KIAA1549L: variants seen among roughly 807,000 people sequenced by gnomAD.
KIAA1549L encodes the protein KIAA1549 like, also known as UPF0606 protein KIAA1549L.
A neutral mutation model predicts 160.7 loss-of-function variants in KIAA1549L; 88 were observed. That is an observed-to-expected ratio of 0.55 (90% confidence interval 0.46 to 0.65). The LOEUF (loss-of-function observed/expected upper bound fraction) is 0.65. KIAA1549L is among the 30% of genes least tolerant of loss of function. KIAA1549L has a pLI of 0.00. For synonymous variants in KIAA1549L, 950 were observed against 976.7 expected (o/e 0.97, Z 0.51); for missense variants, 2,258 against 2,437.5 (o/e 0.93, Z 1.55).
chr11:33,567,852 G>A (rs1432119326), intron 8 of KIAA1549L, among the ~76,000 whole-genome samples: 5 of 152,328 alleles, frequency 3.3e-5, no homozygotes, highest in Middle Eastern at 3.4e-3. Context: ...TGCTAGCTGC[G>A]TGACCTCAGA....
intron 13 of KIAA1549L, among the ~76,000 whole-genome samples, chr11:33,606,050 G>A (rs954981966): frequency 2.0e-5 from 3 of 152,174 alleles, no homozygotes; most frequent in South Asian, 2.1e-4. Flanking sequence ...TTTCTCTGGC[G>A]GAATTTTCGT....
chr11:33,431,998 C>T (rs1000403324), intron 1 of KIAA1549L, among the ~76,000 whole-genome samples: 12 of 152,232 alleles, frequency 7.9e-5, no homozygotes, highest in African/African-American at 2.9e-4. Flanking sequence ...TGCTAAGTCC[C>T]TCATTGCCCG....
chr11:33,592,521 C>A (rs1850088084), intron 12 of KIAA1549L, among the ~76,000 whole-genome samples: 1 of 152,010 alleles, frequency 6.6e-6, no homozygotes, highest in Non-Finnish European at 1.5e-5. Context: ...ACTACATCAT[C>A]CATGTCTCCT....
intron 15 of KIAA1549L, among the ~76,000 whole-genome samples, chr11:33,611,286 GAC>G (rs1850642428): frequency 1.4e-5 from 2 of 146,756 alleles, no homozygotes; most frequent in African/African-American, 4.9e-5. Flanking sequence ...AGCCATGACA[GAC>G]ACATTCTCCA....
chr11:33,493,262 A>G (rs1405780695), intron 1 of KIAA1549L, among the ~76,000 whole-genome samples: 1 of 152,204 alleles, frequency 6.6e-6, no homozygotes, highest in African/African-American at 2.4e-5. Flanking sequence ...TACCAATTAT[A>G]AAAGGGCTTG....
At chr11:33,591,796 A>G (rs1041722232) in intron 12 of KIAA1549L, among the ~76,000 whole-genome samples, 17 of 152,246 alleles carry the variant, frequency 1.1e-4, no homozygotes, top group Non-Finnish European at 1.6e-4. Flanking sequence ...AGTCAAAACC[A>G]TATATTTAAT....
intron 1 of KIAA1549L, among the ~76,000 whole-genome samples, chr11:33,515,189 C>T (rs1853316956): frequency 6.6e-6 from 1 of 152,220 alleles, no homozygotes; most frequent in African/African-American, 2.4e-5. Flanking sequence ...CTCCCCCACC[C>T]ACCAAAATGT....
At chr11:33,448,539 G>A (rs1481331501) in intron 1 of KIAA1549L, among the ~76,000 whole-genome samples, 1 of 152,102 alleles carries the variant, frequency 6.6e-6, no homozygotes, top group Admixed American at 6.5e-5. Context: ...ATATTTTGCA[G>A]TAGAGGAGGC....
intron 10 of KIAA1549L, among the ~76,000 whole-genome samples, chr11:33,575,439 T>C (rs1471548129): frequency 1.3e-5 from 2 of 152,232 alleles, no homozygotes; most frequent in African/African-American, 4.8e-5. Context: ...AGCTGTCTCT[T>C]TGAATACCCT....
chr11:33,478,897 C>T (rs535449783), intron 1 of KIAA1549L, among the ~76,000 whole-genome samples: 1 of 152,254 alleles, frequency 6.6e-6, no homozygotes, highest in African/African-American at 2.4e-5. Context: ...TCCCAAAGTG[C>T]TGGGATTACA....
At chr11:33,579,087 G>A (rs1855550358) in intron 10 of KIAA1549L, among the ~76,000 whole-genome samples, 1 of 152,180 alleles carries the variant, frequency 6.6e-6, no homozygotes, top group African/African-American at 2.4e-5. Flanking sequence ...CCCAGCCCCT[G>A]CTCTTCCACT....
chr11:33,484,348 C>T (rs997686606), intron 1 of KIAA1549L, among the ~76,000 whole-genome samples: 10 of 152,300 alleles, frequency 6.6e-5, no homozygotes, highest in African/African-American at 2.2e-4. Flanking sequence ...TTTTCCTCTT[C>T]CCCCTGATTC....
At chr11:33,383,140 G>T (rs1031843794) in intron 1 of KIAA1549L, among the ~76,000 whole-genome samples, 14 of 151,992 alleles carry the variant, frequency 9.2e-5, no homozygotes, top group Admixed American at 3.9e-4. Context: ...GACGACCAGA[G>T]AATCTCTCAG....
In KIAA1549L at chr11:33,660,996, G is replaced by A. The variant is rs1325687565; in HGVS notation, c.6141G>A (p.Pro2047=). The A allele has an allele frequency of 1.3e-5, 21 of 1,610,172 alleles. No individual in the cohort carries two copies. Among genetic ancestry groups the A allele is most frequent in the African/African-American group, 4.0e-5 (3 of 74,850 alleles). ...CCTATGCAGGAGAGAATGAGCTCCCGAGCCAGTGGGCAGATTCGGTGAGAC... is the reference window on the plus strand; with the variant it reads ...CCTATGCAGGAGAGAATGAGCTCCCAAGCCAGTGGGCAGATTCGGTGAGAC... ...WMSYAGENEL[P]SQWADSVPLP... The change falls in exon 20 of 21, where the codon CCG becomes CCA. Residue 2047 remains proline (P), a synonymous_variant. Coordinates refer to ENST00000658780, the MANE Select transcript of KIAA1549L (RefSeq NM_012194.3).
chr11:33,469,794 C>T (rs774384510), intron 1 of KIAA1549L, among the ~76,000 whole-genome samples: 24 of 152,270 alleles, frequency 1.6e-4, no homozygotes, highest in African/African-American at 3.4e-4. Flanking sequence ...TTTTCATATG[C>T]GTAATGACTG....
chr11:33,402,816 C>T (rs187315729), intron 1 of KIAA1549L, among the ~76,000 whole-genome samples: 1 of 151,046 alleles, frequency 6.6e-6, no homozygotes, highest in Non-Finnish European at 1.5e-5. Context: ...TGCCACCCCC[C>T]CTAGCTTCCG....
chr11:33,585,694 A>G (rs1368619711), intron 11 of KIAA1549L, among the ~76,000 whole-genome samples: 1 of 152,216 alleles, frequency 6.6e-6, no homozygotes, highest in Non-Finnish European at 1.5e-5. Context: ...GTTATAGATT[A>G]AACCAAAATT....
intron 1 of KIAA1549L, among the ~76,000 whole-genome samples, chr11:33,386,121 T>C (rs886112369): frequency 2.0e-5 from 3 of 152,228 alleles, no homozygotes; most frequent in Admixed American, 2.0e-4. Context: ...CTTTGCTGAA[T>C]AGAAATAGGG....
At chr11:33,493,260 A>G (rs1852736849) in intron 1 of KIAA1549L, among the ~76,000 whole-genome samples, 1 of 152,212 alleles carries the variant, frequency 6.6e-6, no homozygotes, top group African/African-American at 2.4e-5. Context: ...AATACCAATT[A>G]TAAAAGGGCT....
Sources: gnomAD v4.1 joint callset for allele counts (sites outside exome capture counted in the v4.1 genomes callset) on GRCh38, gnomAD v4.1.1 for gene constraint, MANE v1.5 for transcripts, NCBI Gene and HGNC (gene_info 2026-07-23, HGNC 2026-07-21) for gene names.